MTCL3: variants seen among roughly 807,000 people sequenced by gnomAD.
The protein encoded by MTCL3 is microtubule cross-linking factor 3.
At chr6:127,507,417 C>G in the MTCL3 span, among the ~76,000 whole-genome samples, 1,280 of 152,004 alleles carry the variant, frequency 8.4e-3, 11 homozygotes, top group Non-Finnish European at 0.011. Context: ...AAAAATAATC[C>G]ACAAATTTCT....
the MTCL3 span, among the ~76,000 whole-genome samples, chr6:127,487,560 C>T: frequency 6.6e-6 from 1 of 152,146 alleles, no homozygotes; most frequent in Non-Finnish European, 1.5e-5. Flanking sequence ...AAGTCTTCCT[C>T]TTTTCCTTCT....
the MTCL3 span, among the ~76,000 whole-genome samples, chr6:127,513,663 C>T: frequency 6.6e-6 from 1 of 152,060 alleles, no homozygotes; most frequent in Non-Finnish European, 1.5e-5. Flanking sequence ...CCTGGAAATT[C>T]TAGGGTTTGG....
the MTCL3 span, among the ~76,000 whole-genome samples, chr6:127,474,685 C>G: frequency 2.0e-5 from 3 of 151,388 alleles, no homozygotes; most frequent in Admixed American, 2.0e-4. Context: ...CTCAGGTGAT[C>G]CTCCCACATC....
the MTCL3 span, among the ~76,000 whole-genome samples, chr6:127,474,403 G>A: frequency 2.0e-5 from 3 of 151,908 alleles, no homozygotes; most frequent in Admixed American, 1.3e-4. Context: ...TTCAGCCTCC[G>A]GAGTGGCTGG....
the MTCL3 span, among the ~76,000 whole-genome samples, chr6:127,505,236 CT>C: frequency 6.6e-6 from 1 of 152,260 alleles, no homozygotes; most frequent in East Asian, 1.9e-4. Flanking sequence ...AACTGTGGGT[CT>C]TACTTCCTGT....
the MTCL3 span, among the ~76,000 whole-genome samples, chr6:127,487,735 G>A: frequency 6.6e-6 from 1 of 152,180 alleles, no homozygotes; most frequent in Non-Finnish European, 1.5e-5. Flanking sequence ...GAATGTGGGT[G>A]AAGAAGAGGC....
the MTCL3 span, among the ~76,000 whole-genome samples, chr6:127,477,659 G>A: frequency 6.6e-6 from 1 of 152,204 alleles, no homozygotes; most frequent in South Asian, 2.1e-4. Flanking sequence ...TGAGATGGAA[G>A]AGATGGAGAA....
chr6:127,515,071 T>A, the MTCL3 span: 6 of 1,605,732 alleles, frequency 3.7e-6, no homozygotes, highest in Non-Finnish European at 5.1e-6. This position sits in a 1 kb window ranked among gnomAD's most constrained non-coding sequence, Gnocchi z 4.3. Flanking sequence ...AGGCCGCGTG[T>A]CAAAATCAAA....
the MTCL3 span, chr6:127,481,502 A>C: frequency 3.0e-6 from 3 of 983,932 alleles, no homozygotes; most frequent in African/African-American, 5.2e-5. Context: ...GCAGGAACAG[A>C]GCAGGTACAG....
At chr6:127,500,860 G>T in the MTCL3 span, among the ~76,000 whole-genome samples, 1 of 152,094 alleles carries the variant, frequency 6.6e-6, no homozygotes, top group Non-Finnish European at 1.5e-5. Flanking sequence ...TTGCCAGGCT[G>T]GAGTGCAGTG....
chr6:127,479,593 TA>T, the MTCL3 span, among the ~76,000 whole-genome samples: 1 of 152,022 alleles, frequency 6.6e-6, no homozygotes, highest in Non-Finnish European at 1.5e-5. Flanking sequence ...ATTAAGCAAA[TA>T]AAAAAGAGAA....
the MTCL3 span, among the ~76,000 whole-genome samples, chr6:127,474,882 G>C: frequency 1.3e-5 from 2 of 152,104 alleles, no homozygotes; most frequent in Non-Finnish European, 2.9e-5. Flanking sequence ...TATGGATCTT[G>C]GCTCAAAAAC....
At chr6:127,514,859 G>A in the MTCL3 span, 2 of 1,613,740 alleles carry the variant, frequency 1.2e-6, no homozygotes, top group African/African-American at 2.7e-5. Context: ...ACAGCTCCCC[G>A]TCGATTTCCC....
the MTCL3 span, among the ~76,000 whole-genome samples, chr6:127,503,875 T>TC: frequency 1.3e-5 from 2 of 152,154 alleles, no homozygotes; most frequent in Admixed American, 6.5e-5. Context: ...ACTTTTTTTT[T>TC]CTCTGCAAAA....
At chr6:127,482,223 C>T in the MTCL3 span, among the ~76,000 whole-genome samples, 103 of 152,254 alleles carry the variant, frequency 6.8e-4, no homozygotes, top group Admixed American at 1.3e-3. This position sits in a 1 kb window ranked among gnomAD's most constrained non-coding sequence, Gnocchi z 4.1. Flanking sequence ...GCACGAGATC[C>T]GAGAACCCTC....
the MTCL3 span, among the ~76,000 whole-genome samples, chr6:127,503,949 T>G: frequency 1.3e-5 from 2 of 152,218 alleles, no homozygotes; most frequent in Admixed American, 6.5e-5. Context: ...TTATTGTTTA[T>G]CAACTTTGTG....
chr6:127,495,111 G>A, the MTCL3 span, among the ~76,000 whole-genome samples: 7 of 151,516 alleles, frequency 4.6e-5, no homozygotes, highest in African/African-American at 1.7e-4. Flanking sequence ...GCAGGAGAAT[G>A]TCATGAACCT....
At chr6:127,496,454 G>T in the MTCL3 span, among the ~76,000 whole-genome samples, 9 of 152,154 alleles carry the variant, frequency 5.9e-5, no homozygotes, top group Non-Finnish European at 1.3e-4. Flanking sequence ...TCGAATGTAT[G>T]GCCTTCAATG....
chr6:127,510,014 C>G, the MTCL3 span, among the ~76,000 whole-genome samples: 1 of 152,026 alleles, frequency 6.6e-6, no homozygotes, highest in Admixed American at 6.6e-5. Context: ...ATTTGGTTTT[C>G]CTTTATTATA....
Sources: allele counts gnomAD v4.1 joint callset (sites outside exome capture counted in the v4.1 genomes callset), GRCh38; gene constraint gnomAD v4.1.1; non-coding constraint Gnocchi (gnomAD v3.1); transcripts MANE v1.5; gene names NCBI Gene and HGNC (gene_info 2026-07-23, HGNC 2026-07-21).